Variants in SLC24A2 observed in about 807,000 individuals in gnomAD.
SLC24A2 encodes sodium/potassium/calcium exchanger 2.
A neutral mutation model predicts 62.0 loss-of-function variants in SLC24A2; 36 were observed. The ratio of observed to expected loss-of-function variants is 0.58; its 90% confidence interval spans 0.44 to 0.77. SLC24A2 has a LOEUF of 0.77. SLC24A2 is among the 30% of genes least tolerant of loss of function. The probability of loss-of-function intolerance (pLI) is 0.00; values close to 1 mark genes in which losing one functional copy is unlikely to be tolerated. For synonymous variants in SLC24A2, 358 were observed against 294.0 expected (o/e 1.22, Z -2.23); for missense variants, 846 against 817.9 (o/e 1.03, Z -0.42).
At chr9:20,204,018 T>C in the SLC24A2 span, among the ~76,000 whole-genome samples, 2 of 152,190 alleles carry the variant, frequency 1.3e-5, no homozygotes, top group African/African-American at 4.8e-5. Context: ...AATATATTAA[T>C]ACAAAAGAAA....
chr9:20,253,389 G>A, the SLC24A2 span, among the ~76,000 whole-genome samples: 1 of 152,214 alleles, frequency 6.6e-6, no homozygotes, highest in Non-Finnish European at 1.5e-5. Context: ...TTGCATCTAG[G>A]TGAGTGGATA....
At chr9:19,790,593 T>G (rs1192154559), upstream of SLC24A2, among the ~76,000 whole-genome samples, 1 of 151,664 alleles carries the variant, frequency 6.6e-6, no homozygotes, top group Non-Finnish European at 1.5e-5. Context: ...ATTATATCTA[T>G]TAATTGATAA....
chr9:20,031,248 C>G, the SLC24A2 span, among the ~76,000 whole-genome samples: 1 of 149,434 alleles, frequency 6.7e-6, no homozygotes, highest in East Asian at 2.0e-4. Context: ...TGTGTTATTT[C>G]TCTACTTATA....
At chr9:20,157,332 A>G in the SLC24A2 span, among the ~76,000 whole-genome samples, 3 of 151,682 alleles carry the variant, frequency 2.0e-5, no homozygotes, top group African/African-American at 7.3e-5. Context: ...ATTACCCACA[A>G]GAAATAACAC....
chr9:20,235,889 T>A, the SLC24A2 span, among the ~76,000 whole-genome samples: 3 of 114,818 alleles, frequency 2.6e-5, no homozygotes, highest in South Asian at 8.1e-4. Flanking sequence ...ATTTCTTTCT[T>A]TTTTTAAAAT....
the SLC24A2 span, among the ~76,000 whole-genome samples, chr9:19,883,571 G>T: frequency 2.0e-5 from 3 of 147,856 alleles, no homozygotes; most frequent in Non-Finnish European, 4.5e-5. Context: ...TCTGTACATT[G>T]TTTTTTTTTT....
chr9:20,026,179 C>A, the SLC24A2 span, among the ~76,000 whole-genome samples: 2 of 151,948 alleles, frequency 1.3e-5, no homozygotes, highest in Non-Finnish European at 2.9e-5. Context: ...TCTACAGGGG[C>A]CTGATTATAA....
chr9:19,544,184 T>C (rs1834426833), intron 8 of SLC24A2, among the ~76,000 whole-genome samples: 1 of 152,076 alleles, frequency 6.6e-6, no homozygotes, highest in Non-Finnish European at 1.5e-5. Flanking sequence ...CATTAGGTAA[T>C]GGCCTTCTTT....
At chr9:20,016,642 G>A in the SLC24A2 span, among the ~76,000 whole-genome samples, 908 of 152,242 alleles carry the variant, frequency 6.0e-3, 13 homozygotes, top group African/African-American at 0.021. Flanking sequence ...TTTTCTCTGA[G>A]CACTGAATGT....
intron 2 of SLC24A2, among the ~76,000 whole-genome samples, chr9:19,629,927 T>C (rs1413844526): frequency 6.6e-6 from 1 of 152,208 alleles, no homozygotes; most frequent in African/African-American, 2.4e-5. Context: ...TATTTGATAA[T>C]ATTTATCACA....
intron 8 of SLC24A2, among the ~76,000 whole-genome samples, chr9:19,535,942 A>G (rs1342566404): frequency 6.6e-6 from 1 of 152,066 alleles, no homozygotes; most frequent in Non-Finnish European, 1.5e-5. Flanking sequence ...AAGTATGGCC[A>G]TTTTCATGAT....
At chr9:19,799,014 T>G in the SLC24A2 span, among the ~76,000 whole-genome samples, 1 of 152,224 alleles carries the variant, frequency 6.6e-6, no homozygotes, top group Non-Finnish European at 1.5e-5. Flanking sequence ...TCATTTCATT[T>G]TATTTCATGG....
the SLC24A2 span, among the ~76,000 whole-genome samples, chr9:20,099,296 T>G: frequency 8.5e-5 from 13 of 152,320 alleles, no homozygotes; most frequent in South Asian, 2.1e-4. Flanking sequence ...CCCTTGCCAT[T>G]TGACGATTAC....
the SLC24A2 span, among the ~76,000 whole-genome samples, chr9:20,090,508 G>C: frequency 2.6e-5 from 4 of 152,114 alleles, no homozygotes; most frequent in South Asian, 2.1e-4. Context: ...CCCCACGCCT[G>C]AGCAAGAGTC....
chr9:20,268,492 G>A, the SLC24A2 span, among the ~76,000 whole-genome samples: 51 of 152,112 alleles, frequency 3.4e-4, no homozygotes, highest in Non-Finnish European at 6.9e-4. Flanking sequence ...TGGCACTGAA[G>A]GGTTTATAAG....
chr9:19,725,258 C>T (rs150651921), intron 2 of SLC24A2, among the ~76,000 whole-genome samples: 374 of 152,258 alleles, frequency 2.5e-3, no homozygotes, highest in African/African-American at 8.5e-3. Context: ...GGCTGAGAAA[C>T]CCTGATTATA....
chr9:19,587,043 C>T (rs1455696146), intron 5 of SLC24A2, among the ~76,000 whole-genome samples: 1 of 152,174 alleles, frequency 6.6e-6, no homozygotes, highest in Non-Finnish European at 1.5e-5. Flanking sequence ...AACCCAACTA[C>T]CTCCTAATGG....
chr9:20,032,975 G>T, the SLC24A2 span, among the ~76,000 whole-genome samples: 14 of 152,104 alleles, frequency 9.2e-5, no homozygotes, highest in Non-Finnish European at 1.8e-4. Flanking sequence ...TGCCTTTTGG[G>T]GTCAAAAATA....
the SLC24A2 span, among the ~76,000 whole-genome samples, chr9:20,280,301 T>C: frequency 6.6e-6 from 1 of 152,166 alleles, no homozygotes; most frequent in African/African-American, 2.4e-5. Flanking sequence ...GGTACCATTT[T>C]TTTGTACCCC....
Sources: gnomAD v4.1 joint callset for allele counts (sites outside exome capture counted in the v4.1 genomes callset) on GRCh38, gnomAD v4.1.1 for gene constraint, MANE v1.5 for transcripts, NCBI Gene and HGNC (gene_info 2026-07-23, HGNC 2026-07-21) for gene names.